Variants in OPCML observed in about 807,000 individuals in gnomAD.
OPCML encodes opioid-binding protein/cell adhesion molecule.
In OPCML, 13 loss-of-function variants were observed where a neutral mutation model predicts 37.8. The observed-to-expected ratio is 0.34, with a 90% CI of 0.22 to 0.55. The LOEUF is 0.55. Among genes scored for constraint, OPCML ranks in the 20% least tolerant of loss-of-function variants. OPCML has a pLI of 0.91. For missense variants in OPCML, 341 were observed against 435.6 expected (o/e 0.78, Z 1.93); for synonymous variants, 176 against 168.8 (o/e 1.04, Z -0.33).
At chr11:132,606,428 T>C (rs1020679461) in intron 3 of OPCML, among the ~76,000 whole-genome samples, 2 of 152,176 alleles carry the variant, frequency 1.3e-5, no homozygotes, top group African/African-American at 4.8e-5. Context: ...CGCTGCCTGA[T>C]TCCCCTGCAT....
At chr11:132,475,848 C>T (rs752272246) in intron 4 of OPCML, among the ~76,000 whole-genome samples, 13 of 152,120 alleles carry the variant, frequency 8.5e-5, no homozygotes, top group Non-Finnish European at 1.6e-4. Flanking sequence ...TTCAAATGTA[C>T]GTTACATATG....
intron 2 of OPCML, among the ~76,000 whole-genome samples, chr11:132,729,384 A>G (rs951524444): frequency 7.1e-6 from 1 of 141,388 alleles, no homozygotes; most frequent in Non-Finnish European, 1.5e-5. Flanking sequence ...CACCCATATT[A>G]TAGATTTTAC....
chr11:132,682,139 C>T (rs929065893), intron 2 of OPCML, among the ~76,000 whole-genome samples: 2 of 152,100 alleles, frequency 1.3e-5, no homozygotes, highest in Non-Finnish European at 2.9e-5. Context: ...CACTCAAAAG[C>T]GCTCACCCAC....
chr11:133,454,088 T>C (rs956544557), intron 1 of OPCML, among the ~76,000 whole-genome samples: 5 of 152,206 alleles, frequency 3.3e-5, no homozygotes, highest in Non-Finnish European at 5.9e-5. Context: ...GCGATTCTCC[T>C]TAGAATTGCA....
rs150120788 is a variant in OPCML, at chr11:133,529,050, C to T, written c.61+3214G>A. Among the ~76,000 whole-genome samples, 659 of 152,318 alleles carry T rather than the reference C, an allele frequency of 4.3e-3. 6 individuals carry two copies. Among genetic ancestry groups the T allele is most frequent in the Middle Eastern group, 0.017 (5 of 294 alleles). ...TTCTTGCCCTTACTCCACCCTGCCC[C>T]ATGGCCACAGAGCCATTTCTCAAAG... On this transcript the variant is annotated intron_variant, in intron 1 of 7. Transcript: ENST00000524381.
intron 3 of OPCML, among the ~76,000 whole-genome samples, chr11:132,629,690 C>A (rs1278234527): frequency 6.6e-6 from 1 of 152,024 alleles, no homozygotes; most frequent in East Asian, 1.9e-4. Context: ...TTGAGTTCAT[C>A]ATATTCTTTA....
intron 1 of OPCML, among the ~76,000 whole-genome samples, chr11:133,292,260 T>G (rs1942499808): frequency 6.6e-6 from 1 of 152,132 alleles, no homozygotes; most frequent in Non-Finnish European, 1.5e-5. Context: ...AGAGTAATAA[T>G]GCCTTTTCCA....
chr11:132,513,713 T>C (rs2096273855), intron 4 of OPCML, among the ~76,000 whole-genome samples: 1 of 152,180 alleles, frequency 6.6e-6, no homozygotes, highest in African/African-American at 2.4e-5. Context: ...ACAGCCAGAT[T>C]AGCAGTCACC....
chr11:132,932,821 T>A (rs11223286), intron 2 of OPCML, among the ~76,000 whole-genome samples: 1,823 of 151,968 alleles, frequency 0.012, 10 homozygotes, highest in African/African-American at 0.028. Context: ...CTTGGTATCA[T>A]TTACTGCCTC....
intron 2 of OPCML, among the ~76,000 whole-genome samples, chr11:132,887,891 A>C (rs1565938777): frequency 6.6e-6 from 1 of 152,090 alleles, no homozygotes; most frequent in Non-Finnish European, 1.5e-5. Context: ...TCCCAGAGAG[A>C]ATTTCTCTCA....
intron 2 of OPCML, among the ~76,000 whole-genome samples, chr11:132,789,740 G>C (rs1937767113): frequency 6.6e-6 from 1 of 152,182 alleles, no homozygotes; most frequent in African/African-American, 2.4e-5. Flanking sequence ...GAAAACCTAA[G>C]ATTATCTCGT....
intron 1 of OPCML, chr11:133,026,352 G>GT: frequency 1.0e-6 from 1 of 972,718 alleles, no homozygotes; most frequent in Non-Finnish European, 1.2e-6. Flanking sequence ...TTATCCACGC[G>GT]TAATACCCTG....
intron 1 of OPCML, among the ~76,000 whole-genome samples, chr11:133,355,567 C>A (rs1412255807): frequency 6.6e-6 from 1 of 152,124 alleles, no homozygotes; most frequent in Non-Finnish European, 1.5e-5. Flanking sequence ...AAGTATTCAG[C>A]CTAAGAACTC....
At chr11:133,017,086 A>G (rs1293309261) in intron 1 of OPCML, among the ~76,000 whole-genome samples, 1 of 152,120 alleles carries the variant, frequency 6.6e-6, no homozygotes, top group East Asian at 1.9e-4. Flanking sequence ...GCAGGGTTGG[A>G]TTCTTGGTAA....
At chr11:133,248,376 T>C (rs1008881569) in intron 1 of OPCML, among the ~76,000 whole-genome samples, 3 of 152,084 alleles carry the variant, frequency 2.0e-5, no homozygotes, top group Admixed American at 6.5e-5. Context: ...AGACGCAGAG[T>C]AGACAAGAAT....
intron 3 of OPCML, among the ~76,000 whole-genome samples, chr11:132,554,985 A>G (rs996066533): frequency 4.1e-5 from 6 of 145,082 alleles, no homozygotes; most frequent in Non-Finnish European, 6.0e-5. Context: ...ACACTATCCT[A>G]AAAAGTCCTT....
chr11:133,042,045 G>A (rs929279757), intron 1 of OPCML, among the ~76,000 whole-genome samples: 1 of 152,154 alleles, frequency 6.6e-6, no homozygotes, highest in African/African-American at 2.4e-5. Context: ...AGAGCTGGGG[G>A]GTGGGGGGAG....
At chr11:132,785,645 G>A (rs528871181) in intron 2 of OPCML, among the ~76,000 whole-genome samples, 10 of 152,164 alleles carry the variant, frequency 6.6e-5, no homozygotes, top group Non-Finnish European at 1.3e-4. Flanking sequence ...GGAAAGGTCA[G>A]GTCAATGTCC....
intron 2 of OPCML, among the ~76,000 whole-genome samples, chr11:132,812,199 G>A (rs1939387732): frequency 6.6e-6 from 1 of 152,142 alleles, no homozygotes; most frequent in African/African-American, 2.4e-5. Context: ...TGAGTGGCCA[G>A]GGATGAAGAG....
Sources: gnomAD v4.1 joint callset for allele counts (sites outside exome capture counted in the v4.1 genomes callset) on GRCh38, gnomAD v4.1.1 for gene constraint, MANE v1.5 for transcripts, NCBI Gene and HGNC (gene_info 2026-07-23, HGNC 2026-07-21) for gene names.